The following ZNF423 variants were observed in gnomAD, a reference collection of about 807,000 sequenced individuals.
ZNF423 encodes zinc finger protein 423.
A neutral mutation model predicts 95.8 loss-of-function variants in ZNF423; 12 were observed. That is an observed-to-expected ratio of 0.13 (90% CI 0.08 to 0.20). ZNF423 has a LOEUF of 0.20. Ranked by LOEUF, ZNF423 falls within the 10% of genes least tolerant of loss-of-function variation. The pLI, the probability that ZNF423 is intolerant of heterozygous loss-of-function variation, is 1.00. For synonymous variants in ZNF423, 749 were observed against 711.9 expected (o/e 1.05, Z -0.83); for missense variants, 1,316 against 1,737.1 (o/e 0.76, Z 4.31).
At chr16:49,769,122 G>A (rs909783251) in intron 2 of ZNF423, among the ~76,000 whole-genome samples, 17 of 152,240 alleles carry the variant, frequency 1.1e-4, no homozygotes, top group African/African-American at 4.1e-4. Context: ...TTGGGAGGCC[G>A]AGGCGGGTGG....
intron 1 of ZNF423, among the ~76,000 whole-genome samples, chr16:49,824,226 C>A (rs1400632276): frequency 6.6e-6 from 1 of 152,136 alleles, no homozygotes; most frequent in African/African-American, 2.4e-5. Context: ...CACAGCCAGG[C>A]ATTGCGTCTC....
intron 3 of ZNF423, among the ~76,000 whole-genome samples, chr16:49,705,147 G>C (rs2032309749): frequency 6.6e-6 from 1 of 152,180 alleles, no homozygotes; most frequent in African/African-American, 2.4e-5. Context: ...TTAAATACAG[G>C]CTTATCTGGT....
chr16:49,749,413 A>T (rs1040271911), intron 2 of ZNF423, among the ~76,000 whole-genome samples: 12 of 152,228 alleles, frequency 7.9e-5, no homozygotes, highest in South Asian at 2.1e-4. Context: ...GAAAAAAACG[A>T]TGCTTTACTG....
At chr16:49,796,446 A>G (rs1207120963) in intron 1 of ZNF423, among the ~76,000 whole-genome samples, 1 of 152,176 alleles carries the variant, frequency 6.6e-6, no homozygotes, top group African/African-American at 2.4e-5. Flanking sequence ...CTGGAGAGGG[A>G]AACAGAAAGG....
chr16:49,601,334 G>T (rs1971366399), intron 5 of ZNF423, among the ~76,000 whole-genome samples: 1 of 152,214 alleles, frequency 6.6e-6, no homozygotes, highest in Non-Finnish European at 1.5e-5. Context: ...ATCTACAAAT[G>T]GAGAGAATAG....
At chr16:49,654,463 C>T (rs1427869338) in intron 3 of ZNF423, among the ~76,000 whole-genome samples, 1 of 152,252 alleles carries the variant, frequency 6.6e-6, no homozygotes, top group African/African-American at 2.4e-5. Context: ...GGACAAGGAG[C>T]TCATGCTGTC....
chr16:49,527,974 C>T (rs755335209), intron 5 of ZNF423, among the ~76,000 whole-genome samples: 3 of 152,118 alleles, frequency 2.0e-5, no homozygotes, highest in Non-Finnish European at 4.4e-5. Context: ...CACAATGACC[C>T]TTGATTCATG....
intron 5 of ZNF423, among the ~76,000 whole-genome samples, chr16:49,562,697 A>T (rs1306425050): frequency 6.6e-6 from 1 of 152,224 alleles, no homozygotes; most frequent in Non-Finnish European, 1.5e-5. Flanking sequence ...AGGTTCTAGG[A>T]TTCTTGTCAA....
At chr16:49,685,312 T>G (rs2031521632) in intron 3 of ZNF423, among the ~76,000 whole-genome samples, 1 of 152,176 alleles carries the variant, frequency 6.6e-6, no homozygotes, top group South Asian at 2.1e-4. Flanking sequence ...AGGCACCTAC[T>G]GTGTGCCAGG....
chr16:49,815,331 G>C (rs2143983908), intron 1 of ZNF423, among the ~76,000 whole-genome samples: 1 of 152,242 alleles, frequency 6.6e-6, no homozygotes, highest in East Asian at 1.9e-4. Flanking sequence ...TCTCGATACG[G>C]GGTCAGGACA....
chr16:49,691,415 C>A (rs1384174949), intron 3 of ZNF423, among the ~76,000 whole-genome samples: 2 of 152,204 alleles, frequency 1.3e-5, no homozygotes, highest in African/African-American at 4.8e-5. Context: ...CATCTCTGAG[C>A]CTCGGTTTCC....
intron 5 of ZNF423, among the ~76,000 whole-genome samples, chr16:49,548,947 C>T (rs1969536068): frequency 6.6e-6 from 1 of 152,244 alleles, no homozygotes; most frequent in African/African-American, 2.4e-5. Flanking sequence ...AGGCAGCTTC[C>T]TCTACAACTT....
chr16:49,504,454 T>C (rs1218115141), intron 7 of ZNF423, among the ~76,000 whole-genome samples: 2 of 152,126 alleles, frequency 1.3e-5, no homozygotes, highest in East Asian at 1.9e-4. Context: ...TGGCAGCGTG[T>C]GTCTGTAATC....
chr16:49,855,206 G>GACAGCGCCCGCCC lies in ZNF423; in HGVS notation c.40+528_40+529insGGGCGGGCGCTGT, dbSNP rs1176764034. Among the ~76,000 whole-genome samples the GACAGCGCCCGCCC allele has an allele frequency of 1.3e-5, 2 of 150,624 alleles. No homozygotes were observed. The highest frequency in any genetic ancestry group is 2.0e-4 in the East Asian group (1 of 5,092). On this transcript the variant is annotated intron_variant, in intron 1 of 7. Coordinates refer to ENST00000563137, the MANE Select transcript of ZNF423 (RefSeq NM_001379286.1). This position sits in a 1 kb window ranked among gnomAD's most constrained non-coding sequence, Gnocchi z 4.7. Reference sequence around the variant, plus strand: ...GGGGCGCTCGCCGACAGCGCCCGCCGCTCCCCGCGTCCTCGGGCGACCAGG... The same window carrying GACAGCGCCCGCCC: ...GGGGCGCTCGCCGACAGCGCCCGCCGACAGCGCCCGCCCCTCCCCGCGTCCTCGGGCGACCAGG...
intron 3 of ZNF423, among the ~76,000 whole-genome samples, chr16:49,644,226 G>A (rs556783601): frequency 2.0e-4 from 30 of 152,312 alleles, no homozygotes; most frequent in African/African-American, 7.0e-4. Flanking sequence ...TCCTGCCATC[G>A]AAGCTATGCA....
At chr16:49,647,358 C>T (rs1973217405) in intron 3 of ZNF423, among the ~76,000 whole-genome samples, 1 of 152,196 alleles carries the variant, frequency 6.6e-6, no homozygotes, top group African/African-American at 2.4e-5. Context: ...AGAAGCAAAC[C>T]TGGAGATTGT....
intron 2 of ZNF423, among the ~76,000 whole-genome samples, chr16:49,745,377 A>G: frequency 6.6e-6 from 1 of 152,230 alleles, no homozygotes; most frequent in Non-Finnish European, 1.5e-5. Context: ...TTCAGGGGCA[A>G]TAATTCTATA....
intron 5 of ZNF423, among the ~76,000 whole-genome samples, chr16:49,609,046 C>T (rs1338105488): frequency 1.3e-5 from 2 of 152,132 alleles, no homozygotes; most frequent in Non-Finnish European, 2.9e-5. Context: ...CCCCTCCTAC[C>T]TAACAGTAAC....
chr16:49,507,767 A>G (rs1967704331), intron 7 of ZNF423, among the ~76,000 whole-genome samples: 1 of 152,134 alleles, frequency 6.6e-6, no homozygotes, highest in African/African-American at 2.4e-5. Context: ...TTGCAGAGGC[A>G]GCAATGGTTG....
Sources: gnomAD v4.1 joint callset for allele counts (sites outside exome capture counted in the v4.1 genomes callset) on GRCh38, gnomAD v4.1.1 for gene constraint, Gnocchi (gnomAD v3.1) non-coding constraint, MANE v1.5 for transcripts, NCBI Gene and HGNC (gene_info 2026-07-23, HGNC 2026-07-21) for gene names.